Variants in ALKBH5 observed in about 807,000 individuals in gnomAD.
ALKBH5 encodes alkB homolog 5, RNA demethylase.
ALKBH5 carries 2 observed loss-of-function variants against 32.1 expected under a neutral mutation model. The observed-to-expected ratio is 0.06, with a 90% CI of 0.03 to 0.20. The LOEUF is 0.20. Among genes scored for constraint, ALKBH5 ranks in the 10% least tolerant of loss-of-function variants. ALKBH5 has a pLI of 1.00. For synonymous variants in ALKBH5, 300 were observed against 231.7 expected (o/e 1.29, Z -2.68); for missense variants, 352 against 559.5 (o/e 0.63, Z 3.74).
intron 1 of ALKBH5, among the ~76,000 whole-genome samples, chr17:18,191,542 A>G (rs1035259904): frequency 6.6e-6 from 1 of 152,206 alleles, no homozygotes; most frequent in Middle Eastern, 3.2e-3. Flanking sequence ...CTGCATTAAG[A>G]AAAGTGGTTC....
At position 18,201,779 on chromosome 17, in the gene ALKBH5, A is replaced by ATAGG. The variant is rs1555551008; in HGVS notation, c.852-5033_852-5032insGTAG. Among the ~76,000 whole-genome samples the ATAGG allele has an allele frequency of 5.4e-5, 6 of 110,638 alleles. 1 individual carries two copies. The highest frequency in any genetic ancestry group is 6.5e-4 in the South Asian group (2 of 3,076). 72.6% of individuals were successfully genotyped at this position (110,638 alleles called of 152,430 possible). ...GATAGATAGATAGATAGATAGATAG[A>ATAGG]TAGATAGGATAGATAAGATAGATAG... On this transcript the variant is annotated intron_variant, in intron 2 of 3. Transcript: ENST00000399138.
At chr17:18,192,268 G>A (rs1452003720) in intron 1 of ALKBH5, among the ~76,000 whole-genome samples, 5 of 152,146 alleles carry the variant, frequency 3.3e-5, no homozygotes, top group Admixed American at 2.6e-4. Context: ...CAGGCACCCT[G>A]CATTATCTGA....
At position 18,185,022 on chromosome 17, in the gene ALKBH5, C is replaced by G; in HGVS notation, c.770+9C>G. On this transcript the variant is annotated intron_variant, in intron 1 of 3. Coordinates refer to ENST00000399138, the MANE Select transcript of ALKBH5 (RefSeq NM_017758.4). ...AGCGTGACTGTGCTCAGGTAACCCA[C>G]CCGGGTGGAGGGGGCGGCCCTGCGC... 1 of 1,600,956 alleles carries G rather than the reference C, an allele frequency of 6.2e-7. No individual in the cohort carries two copies. The highest frequency in any genetic ancestry group is 8.5e-7 in the Non-Finnish European group (1 of 1,174,802).
intron 2 of ALKBH5, among the ~76,000 whole-genome samples, chr17:18,196,859 C>G (rs980878044): frequency 6.6e-6 from 1 of 152,004 alleles, no homozygotes; most frequent in Non-Finnish European, 1.5e-5. Context: ...GGGGATTGGT[C>G]TACTCTCCTT....
At chr17:18,202,652 C>T (rs902968740) in intron 2 of ALKBH5, among the ~76,000 whole-genome samples, 4 of 152,104 alleles carry the variant, frequency 2.6e-5, no homozygotes, top group Non-Finnish European at 5.9e-5. Flanking sequence ...ACTGCCCTCG[C>T]TCCAGAGTCA....
At chr17:18,195,079 G>A in intron 2 of ALKBH5, 44 bp downstream of exon 2, 1 of 1,547,246 alleles carries the variant, frequency 6.5e-7, no homozygotes, top group Non-Finnish European at 8.9e-7. Context: ...CTGCAGGCCT[G>A]TCTGGAGATG....
intron 2 of ALKBH5, among the ~76,000 whole-genome samples, chr17:18,202,286 C>T (rs956277496): frequency 2.0e-5 from 3 of 151,808 alleles, no homozygotes; most frequent in South Asian, 2.1e-4. Flanking sequence ...CCAACCTGGG[C>T]GACAGAGCGA....
rs1191347876 is a variant in ALKBH5, at chr17:18,206,919, C to G, written c.956C>G (p.Ala319Gly). 2 of 1,614,252 alleles carry G rather than the reference C, an allele frequency of 1.2e-6. No individual in the cohort carries two copies. Among genetic ancestry groups the G allele is most frequent in the Non-Finnish European group, 1.7e-6 (2 of 1,180,048 alleles). The change falls in exon 3 of 4, where the codon GCT becomes GGT. Residue 319 changes from alanine to glycine, a missense_variant. Physicochemically the swap from Ala to Gly is moderately conservative, Grantham distance 60. Coordinates refer to ENST00000399138, the MANE Select transcript of ALKBH5 (RefSeq NM_017758.4). ...DRLSGNNRDP[A>G]LKPKRSHRKA... The stretch of plus-strand genomic sequence containing the variant: ...CTGTCAGGAAACAACAGGGACCCTG[C>G]TCTGAAACCCAAGCGGTCCCACCGC...
intron 2 of ALKBH5, among the ~76,000 whole-genome samples, chr17:18,205,843 A>G (rs1053492009): frequency 3.3e-5 from 5 of 151,852 alleles, no homozygotes; most frequent in Non-Finnish European, 7.4e-5. Flanking sequence ...TGCAGCCCCT[A>G]CTCCTTCGGA....
intron 3 of ALKBH5, among the ~76,000 whole-genome samples, 168 bp downstream of exon 3, chr17:18,207,138 C>T (rs1209457737): frequency 6.6e-6 from 1 of 152,162 alleles, no homozygotes; most frequent in African/African-American, 2.4e-5. Context: ...CCCATCTAAC[C>T]CTGGCCAACT....
intron 1 of ALKBH5, among the ~76,000 whole-genome samples, chr17:18,186,059 G>A (rs1159471630): frequency 2.0e-5 from 3 of 152,266 alleles, no homozygotes; most frequent in African/African-American, 7.2e-5. Context: ...GGAGAAGCAG[G>A]GTCCCTGGAG....
At position 18,183,930 on chromosome 17, in the gene ALKBH5, T is replaced by TG. The variant is rs1221021963; in HGVS notation, c.-312dup. The TG allele has an allele frequency of 1.8e-6, 1 of 559,114 alleles. No individual in the cohort carries two copies. The highest frequency in any genetic ancestry group is 3.3e-6 in the Non-Finnish European group (1 of 299,218). The allele number at this position is 559,114 out of a possible 1,614,324, so 34.6% of individuals were successfully genotyped here. ...GGGCCGGGCCGGGCGTCCGAGGGTC[T>TG]GGTCGGGAGTCGGGCCGCGTCTCCG... On this transcript the variant is annotated 5_prime_UTR_variant, in exon 1 of 4. Coordinates refer to ENST00000399138, the MANE Select transcript of ALKBH5 (RefSeq NM_017758.4).
intron 1 of ALKBH5, among the ~76,000 whole-genome samples, chr17:18,186,265 C>G (rs940097601): frequency 3.3e-5 from 5 of 152,094 alleles, no homozygotes; most frequent in African/African-American, 1.2e-4. Flanking sequence ...TGTCAGATGC[C>G]TTCTTATAAT....
At chr17:18,190,901 G>A (rs563175286) in intron 1 of ALKBH5, among the ~76,000 whole-genome samples, 1 of 152,316 alleles carries the variant, frequency 6.6e-6, no homozygotes, top group South Asian at 2.1e-4. Flanking sequence ...TCACTCTGAG[G>A]TATAGGACTA....
chr17:18,198,564 T>C (rs75348544), intron 2 of ALKBH5, among the ~76,000 whole-genome samples: 6,737 of 152,298 alleles, frequency 0.044, 214 homozygotes, highest in Admixed American at 0.079. Flanking sequence ...AATCTGGGCA[T>C]TGAGCCTGGC....
chr17:18,203,281 G>A (rs774526203), intron 2 of ALKBH5, among the ~76,000 whole-genome samples: 5 of 152,144 alleles, frequency 3.3e-5, no homozygotes, highest in Non-Finnish European at 7.3e-5. Context: ...TCAAGCTAGT[G>A]ATTTGCTCTG....
intron 1 of ALKBH5, among the ~76,000 whole-genome samples, chr17:18,190,934 A>G (rs2047170688): frequency 1.3e-5 from 2 of 152,174 alleles, no homozygotes; most frequent in Non-Finnish European, 2.9e-5. Context: ...TGCAACATAT[A>G]CTGGTCAGTG....
At position 18,208,436 on chromosome 17, in the gene ALKBH5, AC is replaced by A. The variant is rs1816422849; in HGVS notation, c.*41del. ...CTCCTGGGAACTCTGGCTCATCCTT[AC>A]GTAGTTGCCCCTCCTTTTGTTTTGA... On this transcript the variant is annotated 3_prime_UTR_variant, in exon 4 of 4. Coordinates refer to ENST00000399138, the MANE Select transcript of ALKBH5 (RefSeq NM_017758.4). 1.1e-5 allele frequency: 18 copies of A among 1,602,902 alleles called. No homozygotes were observed. Among genetic ancestry groups the A allele is most frequent in the Non-Finnish European group, 1.4e-5 (17 of 1,175,820 alleles).
At chr17:18,207,087 C>A in intron 3 of ALKBH5, 117 bp downstream of exon 3, 1 of 1,364,282 alleles carries the variant, frequency 7.3e-7, no homozygotes, top group Middle Eastern at 2.1e-4. Flanking sequence ...CTTTCAAAAC[C>A]TTATGTCTGG....
Sources: gnomAD v4.1 joint callset for allele counts (sites outside exome capture counted in the v4.1 genomes callset) on GRCh38, gnomAD v4.1.1 for gene constraint, MANE v1.5 for transcripts, NCBI Gene and HGNC (gene_info 2026-07-23, HGNC 2026-07-21) for gene names.